The following FAM107A variants were observed in gnomAD, a reference collection of about 807,000 sequenced individuals.
FAM107A encodes actin-associated protein FAM107A.
Under a neutral mutation model 13.7 loss-of-function variants are expected in FAM107A, and 19 were observed. The observed-to-expected ratio is 1.38, with a 90% CI of 0.97 to 2.03. The LOEUF (loss-of-function observed/expected upper bound fraction) is 2.03. Among genes scored for constraint, FAM107A ranks in the 30% most tolerant of loss-of-function variants. FAM107A has a pLI of 0.00. For synonymous variants in FAM107A, 82 were observed against 74.5 expected, an observed-to-expected ratio of 1.10 and a Z score of -0.52; for missense variants, 203 against 184.4, an observed-to-expected ratio of 1.10 and a Z score of -0.58.
At chr3:58,586,743 G>T in intron 1 of FAM107A, 2 of 1,089,428 alleles carry the variant, frequency 1.8e-6, no homozygotes, top group Non-Finnish European at 1.2e-6. Flanking sequence ...TAGGAAAGAA[G>T]CAGAGCAACG....
At chr3:58,587,392 C>T (rs958845654), upstream of FAM107A, among the ~76,000 whole-genome samples, 1 of 152,178 alleles carries the variant, frequency 6.6e-6, no homozygotes, top group Non-Finnish European at 1.5e-5. Flanking sequence ...TACCTAACCT[C>T]GCAGAAACTC....
chr3:58,579,026 G>A (rs183931925), upstream of FAM107A, among the ~76,000 whole-genome samples: 2 of 152,208 alleles, frequency 1.3e-5, no homozygotes, highest in Non-Finnish European at 2.9e-5. Context: ...CCTTCAAGGG[G>A]GACACACAGT....
chr3:58,614,590 C>T (rs180996355), intron 1 of FAM107A, among the ~76,000 whole-genome samples: 111 of 151,966 alleles, frequency 7.3e-4, no homozygotes, highest in African/African-American at 2.6e-3. Context: ...CTGCAAACTC[C>T]GCCTCCTGGG....
At chr3:58,602,414 C>T (rs1407471445) in intron 1 of FAM107A, among the ~76,000 whole-genome samples, 1 of 152,034 alleles carries the variant, frequency 6.6e-6, no homozygotes, top group African/African-American at 2.4e-5. Flanking sequence ...CGTTGAAAGC[C>T]CTACAAACCA....
exon 1 of FAM107A, chr3:58,586,965 C>T (rs567291848): frequency 2.8e-5 from 42 of 1,504,954 alleles, no homozygotes; most frequent in African/African-American, 1.6e-4. Context: ...GCAGAGCCAG[C>T]ACTGCTGGCC....
chr3:58,608,487 A>G (rs2108075709), intron 1 of FAM107A, among the ~76,000 whole-genome samples: 1 of 152,322 alleles, frequency 6.6e-6, no homozygotes, highest in African/African-American at 2.4e-5. Flanking sequence ...TAACAGCAAC[A>G]GCAACAATTA....
At chr3:58,588,342 A>C (rs887312642), upstream of FAM107A, among the ~76,000 whole-genome samples, 2 of 152,220 alleles carry the variant, frequency 1.3e-5, no homozygotes, top group Non-Finnish European at 2.9e-5. Flanking sequence ...TGGTACCTTC[A>C]AGGCCAACTG....
intron 1 of FAM107A, among the ~76,000 whole-genome samples, chr3:58,623,973 C>T (rs2065983925): frequency 6.6e-6 from 1 of 152,236 alleles, no homozygotes; most frequent in Non-Finnish European, 1.5e-5. Flanking sequence ...GTTGTGTCCT[C>T]TATCCTGGGC....
chr3:58,621,150 G>A (rs201213260), intron 1 of FAM107A, among the ~76,000 whole-genome samples: 1 of 152,260 alleles, frequency 6.6e-6, no homozygotes, highest in South Asian at 2.1e-4. Context: ...CAAATCTAGC[G>A]GGTAAATAGA....
At chr3:58,596,185 G>A (rs564644560) in intron 1 of FAM107A, among the ~76,000 whole-genome samples, 107 of 152,110 alleles carry the variant, frequency 7.0e-4, no homozygotes, top group African/African-American at 2.5e-3. Flanking sequence ...CTTGGCATTG[G>A]TCACTGGTGG....
intron 1 of FAM107A, among the ~76,000 whole-genome samples, chr3:58,612,080 A>C (rs2065859836): frequency 6.6e-6 from 1 of 152,272 alleles, no homozygotes; most frequent in Admixed American, 6.5e-5. Flanking sequence ...ATGTCCTCAC[A>C]TACACATAGC....
chr3:58,599,030 C>T (rs185390001), intron 1 of FAM107A, among the ~76,000 whole-genome samples: 12 of 152,226 alleles, frequency 7.9e-5, no homozygotes, highest in East Asian at 5.8e-4. Context: ...TGACCTCCGC[C>T]TCCCAGGTTC....
chr3:58,568,865 C>T (rs1161883608), intron 2 of FAM107A, among the ~76,000 whole-genome samples: 1 of 152,184 alleles, frequency 6.6e-6, no homozygotes, highest in Non-Finnish European at 1.5e-5. Context: ...CAATTCACAT[C>T]CCATCAATTG....
In FAM107A at chr3:58,566,739, G is replaced by T. The variant is rs377473117; in HGVS notation, c.328-44C>A. The stretch of plus-strand genomic sequence containing the variant: ...GAGAGTGAAGTGGGTGGAGCTAGGG[G>T]GATTCCTACTCTGAAAACCTGTGGA... On this transcript the variant is annotated intron_variant, in intron 3 of 3. Coordinates refer to ENST00000360997, the MANE Select transcript of FAM107A (RefSeq NM_001076778.3). 18 of 1,474,662 alleles carry T rather than the reference G, an allele frequency of 1.2e-5. No homozygotes were observed. In the East Asian group the frequency reaches 2.5e-4, roughly 20 times the overall value. 91.3% of individuals were successfully genotyped at this position (1,474,662 alleles called of 1,614,324 possible). A position where few individuals can be genotyped will look rare whatever the true frequency, so the allele number is the denominator to read the frequency against.
upstream of FAM107A, among the ~76,000 whole-genome samples, chr3:58,582,614 A>T (rs534605632): frequency 1.3e-5 from 2 of 152,152 alleles, no homozygotes; most frequent in South Asian, 4.2e-4. Context: ...CACAATCCTG[A>T]CTCCATTGCT....
At chr3:58,575,734 T>G (rs375477641) in intron 1 of FAM107A, among the ~76,000 whole-genome samples, 1 of 152,346 alleles carries the variant, frequency 6.6e-6, no homozygotes, top group East Asian at 1.9e-4. Context: ...CCTGCTAACT[T>G]GAGGACTCCT....
chr3:58,615,529 A>C (rs2065893280), intron 1 of FAM107A, among the ~76,000 whole-genome samples: 1 of 152,204 alleles, frequency 6.6e-6, no homozygotes. Flanking sequence ...AAAGAAGGTA[A>C]TTTCAGATGG....
At chr3:58,584,620 G>A (rs575673764) in intron 1 of FAM107A, among the ~76,000 whole-genome samples, 3 of 152,324 alleles carry the variant, frequency 2.0e-5, no homozygotes, top group East Asian at 1.9e-4. Flanking sequence ...TGAGGCAGGA[G>A]AATAGGGTCT....
At chr3:58,623,194 A>G (rs1428036675) in intron 1 of FAM107A, among the ~76,000 whole-genome samples, 1 of 152,194 alleles carries the variant, frequency 6.6e-6, no homozygotes, top group Non-Finnish European at 1.5e-5. Context: ...CAGGCCATTC[A>G]TCAAATTTAG....
Sources: gnomAD v4.1 joint callset for allele counts (sites outside exome capture counted in the v4.1 genomes callset) on GRCh38, gnomAD v4.1.1 for gene constraint, MANE v1.5 for transcripts, NCBI Gene and HGNC (gene_info 2026-07-23, HGNC 2026-07-21) for gene names.